Variants in IFT74 observed in about 807,000 individuals in gnomAD.
IFT74 encodes the protein intraflagellar transport protein 74 homolog.
IFT74 carries 92 observed loss-of-function variants against 96.7 expected under a neutral mutation model. The ratio of observed to expected loss-of-function variants is 0.95; its 90% CI spans 0.80 to 1.13. IFT74 has a LOEUF of 1.13. IFT74 is among the 50% of genes most tolerant of loss of function. The pLI is 0.00. For missense variants in IFT74, 811 were observed against 698.2 expected (o/e 1.16, Z -1.82); for synonymous variants, 223 against 213.2 (o/e 1.05, Z -0.40).
intron 10 of IFT74, among the ~76,000 whole-genome samples, chr9:27,013,607 A>G (rs1404685846): frequency 6.6e-6 from 1 of 152,240 alleles, no homozygotes; most frequent in East Asian, 1.9e-4. Context: ...TTTGATAGGT[A>G]AAAATTACTA....
Position 26,990,120 on chromosome 9 carries a change from TTAAC to T in IFT74, c.526-12_526-9del. ...TATTTATTTCTTACTAACTTATGTG[TTAAC>T]TTTATTCAGCTTAAAGCTCAAAATG... On this transcript the variant is annotated splice_polypyrimidine_tract_variant and intron_variant, in intron 7 of 19. Transcript: ENST00000380062. 1 of 1,475,210 alleles carries T rather than the reference TTAAC, an allele frequency of 6.8e-7. No individual in the cohort carries two copies. The allele number at this position is 1,475,210 out of a possible 1,614,324, so 91.4% of individuals were successfully genotyped here.
At chr9:26,991,272 G>A (rs561953978) in intron 8 of IFT74, among the ~76,000 whole-genome samples, 46 of 152,296 alleles carry the variant, frequency 3.0e-4, no homozygotes, top group African/African-American at 7.5e-4. Flanking sequence ...TGCCCTTGCT[G>A]AATTGAAGTG....
At chr9:26,998,456 G>C (rs745553577) in intron 8 of IFT74, among the ~76,000 whole-genome samples, 2 of 152,074 alleles carry the variant, frequency 1.3e-5, no homozygotes, top group Non-Finnish European at 2.9e-5. Context: ...ATTGAACAAA[G>C]AGATTCCAAT....
In IFT74 at chr9:27,063,847, G is replaced by A. The variant is rs145992226; in HGVS notation, c.*1111G>A. Among the ~76,000 whole-genome samples the A allele has an allele frequency of 9.9e-3, 1,512 of 152,090 alleles. 36 individuals are homozygous for A. The highest frequency in any genetic ancestry group is 0.035 in the African/African-American group (1,432 of 41,502). On this transcript the variant is annotated 3_prime_UTR_variant, in exon 20 of 20. Transcript: ENST00000380062. ...TAAATAAAGGAGTGAGCATTGTTGA[G>A]TTTGCTGAACTCTGGATTACTAATA...
At chr9:26,976,314 TCAAA>T (rs1021612275) in intron 2 of IFT74, among the ~76,000 whole-genome samples, 1 of 152,204 alleles carries the variant, frequency 6.6e-6, no homozygotes, top group African/African-American at 2.4e-5. Context: ...AGACGAGTAC[TCAAA>T]CAAAGGATTT....
At position 27,065,951 on chromosome 9, in the gene IFT74, AAG is replaced by A. The variant is rs769087684; in HGVS notation, c.*3216_*3217del. ...TTGATAACTGAAAAACATTTTTAAA[AAG>A]GCAATTTTTAATACAAAGGTAGATA... is the stretch of plus-strand genomic sequence containing the variant. On this transcript the variant is annotated 3_prime_UTR_variant, in exon 20 of 20. Coordinates refer to ENST00000380062, the MANE Select transcript of IFT74 (RefSeq NM_025103.4). 2.0e-5 allele frequency among the ~76,000 whole-genome samples: 3 copies of A among 152,204 alleles called. No individual in the cohort carries two copies. Among genetic ancestry groups the A allele is most frequent in the Non-Finnish European group, 4.4e-5 (3 of 68,030 alleles).
chr9:27,029,360 C>A (rs914508044), intron 13 of IFT74, among the ~76,000 whole-genome samples: 1 of 151,122 alleles, frequency 6.6e-6, no homozygotes. Context: ...TTTACAAAAA[C>A]AGAAGTAAAA....
At chr9:26,999,598 G>T (rs752831774) in intron 8 of IFT74, 19 of 1,521,204 alleles carry the variant, frequency 1.2e-5, no homozygotes, top group Non-Finnish European at 1.6e-5. Flanking sequence ...TTACTATTTT[G>T]ATTGTAAAAA....
At chr9:27,059,952 G>C (rs1413743696) in intron 18 of IFT74, among the ~76,000 whole-genome samples, 1 of 152,156 alleles carries the variant, frequency 6.6e-6, no homozygotes, top group East Asian at 1.9e-4. Flanking sequence ...CATAACCAGA[G>C]TTACAAGGTT....
chr9:26,992,611 T>C (rs1827936830), intron 8 of IFT74, among the ~76,000 whole-genome samples: 1 of 151,880 alleles, frequency 6.6e-6, no homozygotes, highest in Non-Finnish European at 1.5e-5. Context: ...GCGAATCACT[T>C]GAACCCAGGA....
In IFT74 at chr9:26,962,156, G is replaced by C. The variant is rs186701512; in HGVS notation, c.120+69G>C. On this transcript the variant is annotated intron_variant, in intron 2 of 19. Transcript: ENST00000380062. Reference sequence around the variant, plus strand: ...GAGGACCACTTGAGTCCAGGAGACTGGGGCTTCAGTGAACTCTGATCATGC... The same window carrying C: ...GAGGACCACTTGAGTCCAGGAGACTCGGGCTTCAGTGAACTCTGATCATGC... 5.8e-5 allele frequency: 88 copies of C among 1,513,550 alleles called. 2 individuals are homozygous for C. The South Asian group carries it at 8.3e-4, about 14-fold the overall frequency. The allele number at this position is 1,513,550 out of a possible 1,614,324, so 93.8% of individuals were successfully genotyped here.
intron 2 of IFT74, among the ~76,000 whole-genome samples, chr9:26,976,308 G>A (rs1827125946): frequency 6.6e-6 from 1 of 152,182 alleles, no homozygotes; most frequent in Non-Finnish European, 1.5e-5. Flanking sequence ...AAAGAAAGAC[G>A]AGTACTCAAA....
intron 1 of IFT74, among the ~76,000 whole-genome samples, chr9:26,948,445 A>ATTTTTT (rs1554662864): frequency 2.3e-4 from 11 of 47,312 alleles, no homozygotes; most frequent in East Asian, 9.7e-4. Flanking sequence ...ATGGCTTTCC[A>ATTTTTT]TTATTTTTTT....
intron 16 of IFT74, among the ~76,000 whole-genome samples, chr9:27,048,492 A>G (rs751153847): frequency 2.0e-5 from 3 of 152,326 alleles, no homozygotes; most frequent in Admixed American, 6.5e-5. Context: ...CCTGTGCTAT[A>G]TAATTCTGGA....
chr9:26,998,264 G>A lies in IFT74; in HGVS notation c.587+8069G>A, dbSNP rs372604446. ...TTCCTAGAAAAACAAAAAAAAGAAA[G>A]GCATTAATCAGAAAAAAAATTAATA... On this transcript the variant is annotated intron_variant, in intron 8 of 19. Transcript: ENST00000380062. 33 of 1,304,920 alleles carry A rather than the reference G, an allele frequency of 2.5e-5. No individual in the cohort carries two copies. In the East Asian group the frequency reaches 3.3e-4, roughly 13 times the overall value. 80.8% of individuals were successfully genotyped at this position (1,304,920 alleles called of 1,614,324 possible). A position where few individuals can be genotyped will look rare whatever the true frequency, so the allele number is the denominator to read the frequency against.
chr9:26,990,170 G>C lies in IFT74; in HGVS notation c.562G>C (p.Asp188His). ...AAATGATCGAGAAACACAAAGTTTG[G>C]ATGTCATATTTACTGAAAGACAAGC... ...AQNDRETQSL[D>H]VIFTERQAKE... The change falls in exon 8 of 20, where the codon GAT becomes CAT. Residue 188 changes from aspartate (D) to histidine (H), a missense_variant. Physicochemically the swap from Asp to His is moderately conservative, Grantham distance 81. Coordinates refer to ENST00000380062, the MANE Select transcript of IFT74 (RefSeq NM_025103.4). 1 of 1,479,908 alleles carries C rather than the reference G, an allele frequency of 6.8e-7. No individual in the cohort carries two copies. The highest frequency in any genetic ancestry group is 9.0e-7 in the Non-Finnish European group (1 of 1,113,380). The allele number at this position is 1,479,908 out of a possible 1,614,324, so 91.7% of individuals were successfully genotyped here.
Position 26,961,997 on chromosome 9 carries a change from T to C in IFT74, c.30T>C (p.Ala10=), listed in dbSNP as rs1219613080. The C allele has an allele frequency of 3.1e-6, 5 of 1,614,056 alleles. No individual in the cohort carries two copies. Among genetic ancestry groups the C allele is most frequent in the Non-Finnish European group, 4.2e-6 (5 of 1,180,006 alleles). ...CCAGCAATCACAAATCTTCAGCAGC[T>C]CGCCCTGTTTCAAGAGGTGGAGTTG... The part of the protein sequence containing the change: MASNHKSSA[A]RPVSRGGVGL... Residue 10 remains alanine (A), a synonymous_variant, in exon 2 of 20, where the codon GCT becomes GCC. Transcript: ENST00000380062.
upstream of IFT74, among the ~76,000 whole-genome samples, chr9:26,952,214 C>T (rs1426419288): frequency 6.6e-6 from 1 of 151,234 alleles, no homozygotes; most frequent in East Asian, 1.9e-4. Flanking sequence ...TAAAAGCTGG[C>T]TAATGTGAAT....
intron 13 of IFT74, 62 bp from the exon 14 acceptor site, chr9:27,044,680 T>G: frequency 1.1e-6 from 1 of 935,978 alleles, no homozygotes; most frequent in Non-Finnish European, 1.7e-6. Flanking sequence ...AGAGAGATTT[T>G]TAATTTAGAG....
Sources: allele counts gnomAD v4.1 joint callset (sites outside exome capture counted in the v4.1 genomes callset), GRCh38; gene constraint gnomAD v4.1.1; transcripts MANE v1.5; gene names NCBI Gene and HGNC (gene_info 2026-07-23, HGNC 2026-07-21).